ABHD6: variants seen among roughly 807,000 people sequenced by gnomAD.
ABHD6 encodes monoacylglycerol lipase ABHD6.
In ABHD6, 33 loss-of-function variants were observed where a neutral mutation model predicts 38.8. That is an observed-to-expected ratio of 0.85 (90% CI 0.64 to 1.14). ABHD6 has a LOEUF of 1.14. ABHD6 is among the 50% of genes most tolerant of loss of function. The pLI is 0.00. For synonymous variants in ABHD6, 147 were observed against 161.6 expected (o/e 0.91, Z 0.69); for missense variants, 380 against 422.6 (o/e 0.90, Z 0.88).
rs2097446893 is a variant in ABHD6, at chr3:58,273,966, T to A, written c.524-692T>A. Among the ~76,000 whole-genome samples, 1 of 152,180 alleles carries A rather than the reference T, an allele frequency of 6.6e-6. No individual in the cohort carries two copies. Among genetic ancestry groups the A allele is most frequent in the African/African-American group, 2.4e-5 (1 of 41,440 alleles). ...CTCCATGCTGGAAGTGAAAATTAGT[T>A]TTGCCCTCTTGCATACATAGCATCA... On this transcript the variant is annotated intron_variant, in intron 6 of 9. Transcript: ENST00000478253. This position sits in a 1 kb window ranked among gnomAD's most constrained non-coding sequence, Gnocchi z 4.8.
At position 58,256,053 on chromosome 3, in the gene ABHD6, T is replaced by C. The variant is rs189381716; in HGVS notation, c.-25-509T>C. Among the ~76,000 whole-genome samples the C allele has an allele frequency of 4.0e-5, 6 of 150,588 alleles. No individual in the cohort carries two copies. The Admixed American group carries it at 4.0e-4, about 10-fold the overall frequency. On this transcript the variant is annotated intron_variant, in intron 2 of 9. Coordinates refer to ENST00000478253, the MANE Select transcript of ABHD6 (RefSeq NM_001320126.2). The surrounding 1 kb of genome is among the most constrained non-coding windows in gnomAD (Gnocchi z 4.3). Reference sequence around the variant, plus strand: ...TTAGCATTTTACCATATTTGCTTTATTTCTCTCTCTTTTCCTCCCACCAAC... The same window carrying C: ...TTAGCATTTTACCATATTTGCTTTACTTCTCTCTCTTTTCCTCCCACCAAC...
chr3:58,263,378 GA>G lies in ABHD6; in HGVS notation c.120-3808del, dbSNP rs1239234992. Among the ~76,000 whole-genome samples the G allele has an allele frequency of 1.4e-5, 2 of 145,828 alleles. No homozygotes were observed. The highest frequency in any genetic ancestry group is 5.1e-5 in the African/African-American group (2 of 39,296). ...GCACTCCAGCCTAGGCAACGAGAGT[GA>G]AACTCCATCTCAAAAAAAAAAAAAA... On this transcript the variant is annotated intron_variant, in intron 3 of 9. Transcript: ENST00000478253. This position sits in a 1 kb window ranked among gnomAD's most constrained non-coding sequence, Gnocchi z 4.9.
In ABHD6 at chr3:58,266,420, C is replaced by T. The variant is rs1274966424; in HGVS notation, c.120-769C>T. On this transcript the variant is annotated intron_variant, in intron 3 of 9. Transcript: ENST00000478253. This position sits in a 1 kb window ranked among gnomAD's most constrained non-coding sequence, Gnocchi z 4.0. ...AATTGCCCCAGCGTGGGTGACAGAG[C>T]GAGACTGTATCTAAAAAAAAAAAAA... 2.8e-5 allele frequency among the ~76,000 whole-genome samples: 4 copies of T among 145,148 alleles called. No homozygotes were observed. The highest frequency in any genetic ancestry group is 5.1e-5 in the African/African-American group (2 of 38,968).
chr3:58,277,194 AT>A (rs2107463237), intron 7 of ABHD6, among the ~76,000 whole-genome samples: 1 of 152,242 alleles, frequency 6.6e-6, no homozygotes, highest in South Asian at 2.1e-4. Context: ...GAATCTGTAA[AT>A]TACCTTGGGC....
rs1165577862 is a variant in ABHD6 at position 58,285,540 on chromosome 3, A to G, written c.837+87A>G. On this transcript the variant is annotated intron_variant, in intron 9 of 9. Coordinates refer to ENST00000478253, the MANE Select transcript of ABHD6 (RefSeq NM_001320126.2). The surrounding 1 kb of genome is among the most constrained non-coding windows in gnomAD (Gnocchi z 4.9). Reference sequence around the variant, plus strand: ...CTTGAGGAAGAACAAGTGGTTATTTATGGAGTGAGCTGATCGCTGCTGTCA... The same window carrying G: ...CTTGAGGAAGAACAAGTGGTTATTTGTGGAGTGAGCTGATCGCTGCTGTCA... 2.5e-6 allele frequency: 3 copies of G among 1,185,218 alleles called. No homozygotes were observed. Among genetic ancestry groups the G allele is most frequent in the South Asian group, 1.3e-5 (1 of 79,430 alleles). The allele number at this position is 1,185,218 out of a possible 1,614,324, so 73.4% of individuals were successfully genotyped here.
At chr3:58,277,020 T>C (rs552271002) in intron 7 of ABHD6, among the ~76,000 whole-genome samples, 4 of 152,238 alleles carry the variant, frequency 2.6e-5, no homozygotes. Flanking sequence ...ACTGTAGCCT[T>C]GTAGTATAGT....
At chr3:58,244,761 A>G (rs2097425130) in intron 1 of ABHD6, among the ~76,000 whole-genome samples, 1 of 152,182 alleles carries the variant, frequency 6.6e-6, no homozygotes, top group African/African-American at 2.4e-5. Context: ...TCAAATTAAA[A>G]AAAAAAGCAA....
At chr3:58,250,121 A>C (rs2107424191) in intron 2 of ABHD6, among the ~76,000 whole-genome samples, 179 bp downstream of exon 2, 1 of 152,300 alleles carries the variant, frequency 6.6e-6, no homozygotes, top group South Asian at 2.1e-4. Flanking sequence ...CAAAGCTCTG[A>C]CGCACACCCT....
chr3:58,261,046 C>T (rs1363652154), intron 3 of ABHD6, among the ~76,000 whole-genome samples: 2 of 152,118 alleles, frequency 1.3e-5, no homozygotes, highest in Non-Finnish European at 2.9e-5. Context: ...GATGCTGTGG[C>T]CACTGCGGAT....
rs1405262819 is a variant in ABHD6, at chr3:58,259,082, T to C, written c.119+2377T>C. Among the ~76,000 whole-genome samples the C allele has an allele frequency of 6.6e-6, 1 of 152,176 alleles. No homozygotes were observed. Among genetic ancestry groups the C allele is most frequent in the Admixed American group, 6.5e-5 (1 of 15,276 alleles). On this transcript the variant is annotated intron_variant, in intron 3 of 9. Coordinates refer to ENST00000478253, the MANE Select transcript of ABHD6 (RefSeq NM_001320126.2). This position sits in a 1 kb window ranked among gnomAD's most constrained non-coding sequence, Gnocchi z 4.7. ...ACTGCCACACACAAAACGCCGTTTT[T>C]ATTAACGACATGAAATTGAAGGAGA...
chr3:58,290,634 C>T (rs1390688728), intron 9 of ABHD6, among the ~76,000 whole-genome samples: 15 of 144,746 alleles, frequency 1.0e-4, no homozygotes, highest in African/African-American at 1.8e-4. Flanking sequence ...GGGCGGTTGC[C>T]GGGCGGAGGG....
chr3:58,272,412 C>G (rs530064792), intron 6 of ABHD6, among the ~76,000 whole-genome samples: 31 of 152,266 alleles, frequency 2.0e-4, no homozygotes, highest in African/African-American at 6.7e-4. Flanking sequence ...CAACTAGAAT[C>G]CAGCCATGAA....
intron 1 of ABHD6, among the ~76,000 whole-genome samples, chr3:58,240,263 T>TG: frequency 6.6e-6 from 1 of 152,160 alleles, no homozygotes; most frequent in South Asian, 2.1e-4. Context: ...TTTTTAGAGA[T>TG]GAAGTCTCAC....
rs1314236841 is a variant in ABHD6, at chr3:58,256,877, T to C, written c.119+172T>C. Among the ~76,000 whole-genome samples, 1 of 152,126 alleles carries C rather than the reference T, an allele frequency of 6.6e-6. No homozygotes were observed. ...ATTTTGGGAATGCTCTTGAAGAATA[T>C]TACCAGATCAGTTCTTTCAGGTTTG... is the stretch of plus-strand genomic sequence containing the variant. On this transcript the variant is annotated intron_variant, in intron 3 of 9. Coordinates refer to ENST00000478253, the MANE Select transcript of ABHD6 (RefSeq NM_001320126.2). This position sits in a 1 kb window ranked among gnomAD's most constrained non-coding sequence, Gnocchi z 4.3.
chr3:58,261,302 C>CA (rs146972936), intron 3 of ABHD6, among the ~76,000 whole-genome samples: 5,708 of 151,706 alleles, frequency 0.038, 343 homozygotes, highest in African/African-American at 0.13. Context: ...ATAGAAAGTC[C>CA]AAAAAAAATC....
chr3:58,264,985 G>C (rs2097439929), intron 3 of ABHD6, among the ~76,000 whole-genome samples: 1 of 143,326 alleles, frequency 7.0e-6, no homozygotes, highest in Non-Finnish European at 1.5e-5. Context: ...TCAATAGTAG[G>C]TCTTATTCAT....
chr3:58,265,450 T>C lies in ABHD6; in HGVS notation c.120-1739T>C, dbSNP rs2097440282. 6.6e-6 allele frequency among the ~76,000 whole-genome samples: 1 copy of C among 152,218 alleles called. No homozygotes were observed. The highest frequency in any genetic ancestry group is 2.4e-5 in the African/African-American group (1 of 41,468). Reference sequence around the variant, plus strand: ...ATTTTTCCTTTTAATTTTTGGCAAATGATGTATTTGGAAGGACAAAATCAT... The same window carrying C: ...ATTTTTCCTTTTAATTTTTGGCAAACGATGTATTTGGAAGGACAAAATCAT... On this transcript the variant is annotated intron_variant, in intron 3 of 9. Coordinates refer to ENST00000478253, the MANE Select transcript of ABHD6 (RefSeq NM_001320126.2). This position sits in a 1 kb window ranked among gnomAD's most constrained non-coding sequence, Gnocchi z 4.2.
At position 58,271,766 on chromosome 3, in the gene ABHD6, G is replaced by GTTTTTTTTTTTTTTTTTTT. The variant is rs3038091; in HGVS notation, c.523+708_523+726dup. Among the ~76,000 whole-genome samples the GTTTTTTTTTTTTTTTTTTT allele has an allele frequency of 4.1e-4, 26 of 63,630 alleles. 3 individuals are homozygous for GTTTTTTTTTTTTTTTTTTT. The highest frequency in any genetic ancestry group is 1.7e-3 in the South Asian group (2 of 1,210). The allele number at this position is 63,630 out of a possible 152,430, so 41.7% of individuals were successfully genotyped here. ...CTCTCCTCTATCTCCCCCTCTCTCT[G>GTTTTTTTTTTTTTTTTTTT]TTTTTTTTTTTTTTTTTTTTTTTTG... On this transcript the variant is annotated intron_variant, in intron 6 of 9. Transcript: ENST00000478253.
At chr3:58,274,512 A>G in intron 6 of ABHD6, 146 bp from the exon 7 acceptor site, 1 of 793,446 alleles carries the variant, frequency 1.3e-6, no homozygotes, top group Non-Finnish European at 1.9e-6. Flanking sequence ...TTGAGCAAGG[A>G]TGGCAGTACC....
Sources: gnomAD v4.1 joint callset for allele counts (sites outside exome capture counted in the v4.1 genomes callset) on GRCh38, gnomAD v4.1.1 for gene constraint, Gnocchi (gnomAD v3.1) non-coding constraint, MANE v1.5 for transcripts, NCBI Gene and HGNC (gene_info 2026-07-23, HGNC 2026-07-21) for gene names.